Variants in ENOX1 observed in about 807,000 individuals in gnomAD.
The protein encoded by ENOX1 is ecto-NOX disulfide-thiol exchanger 1, also known as candidate growth-related and time keeping constitutive hydroquinone (NADH) oxidase.
In ENOX1, 42 loss-of-function variants were observed where a neutral mutation model predicts 82.5. The ratio of observed to expected loss-of-function variants is 0.51; its 90% CI spans 0.40 to 0.66. The LOEUF (loss-of-function observed/expected upper bound fraction) is 0.66, where lower values mean the gene tolerates loss of function less well. Among genes scored for constraint, ENOX1 ranks in the 30% least tolerant of loss-of-function variants. ENOX1 has a pLI of 0.00. For synonymous variants in ENOX1, 271 were observed against 282.2 expected, an observed-to-expected ratio of 0.96 and a Z score of 0.40; for missense variants, 608 against 811.6, an observed-to-expected ratio of 0.75 and a Z score of 3.05.
chr13:43,427,696 A>C lies in ENOX1; in HGVS notation c.-74-14708T>G, dbSNP rs966840672. Among the ~76,000 whole-genome samples the C allele has an allele frequency of 2.0e-5, 3 of 152,216 alleles. No homozygotes were observed. The South Asian group carries it at 6.2e-4, about 32-fold the overall frequency. On this transcript the variant is annotated intron_variant, in intron 3 of 16. Transcript: ENST00000690772. ...ACAAGACATAGACCCTGTCTTCAAA[A>C]AGTTTGCAATAATACAGTCAGGTAA...
rs143359531 is a variant in ENOX1, at chr13:43,367,905, G to T, written c.209-6453C>A. On this transcript the variant is annotated intron_variant, in intron 5 of 16. Coordinates refer to ENST00000690772, the MANE Select transcript of ENOX1 (RefSeq NM_001347969.2). ...CCTAAATACAAAGATATTTCTAAATGTTCTCTTAGGAGAAATGTTCAAAAC... is the reference window on the plus strand; with the variant it reads ...CCTAAATACAAAGATATTTCTAAATTTTCTCTTAGGAGAAATGTTCAAAAC... Among the ~76,000 whole-genome samples the T allele has an allele frequency of 1.6e-3, 239 of 152,290 alleles. 2 individuals are homozygous for T. Among genetic ancestry groups the T allele is most frequent in the African/African-American group, 5.5e-3 (229 of 41,556 alleles).
intron 1 of ENOX1, among the ~76,000 whole-genome samples, chr13:43,755,577 G>A (rs1027299218): frequency 1.3e-5 from 2 of 151,776 alleles, no homozygotes; most frequent in African/African-American, 4.8e-5. Context: ...ACATGTTGAC[G>A]GTATAAAATT....
chr13:43,265,891 T>C (rs2044343950), intron 13 of ENOX1, among the ~76,000 whole-genome samples: 1 of 152,226 alleles, frequency 6.6e-6, no homozygotes, highest in Non-Finnish European at 1.5e-5. Flanking sequence ...CATGCTACTG[T>C]GCTACCAGAC....
At chr13:43,727,323 C>G (rs117849577) in intron 1 of ENOX1, among the ~76,000 whole-genome samples, 2,442 of 152,324 alleles carry the variant, frequency 0.016, 20 homozygotes, top group Middle Eastern at 0.031. Context: ...CCTCCACCCC[C>G]AGCTGAAGTT....
intron 15 of ENOX1, among the ~76,000 whole-genome samples, chr13:43,225,221 T>C (rs1435006401): frequency 6.6e-6 from 1 of 152,138 alleles, no homozygotes; most frequent in Non-Finnish European, 1.5e-5. Flanking sequence ...TGGGTACTCA[T>C]GGACATAAGA....
At chr13:43,752,731 T>A (rs1041258224) in intron 1 of ENOX1, among the ~76,000 whole-genome samples, 4 of 152,192 alleles carry the variant, frequency 2.6e-5, no homozygotes, top group Admixed American at 2.0e-4. Flanking sequence ...GATCTATTTT[T>A]CTGTTGGGAC....
At chr13:43,290,328 T>C (rs527489943) in intron 12 of ENOX1, among the ~76,000 whole-genome samples, 2 of 152,154 alleles carry the variant, frequency 1.3e-5, no homozygotes, top group East Asian at 3.9e-4. Context: ...GCAACCTAGG[T>C]GCCCATAAAT....
intron 3 of ENOX1, among the ~76,000 whole-genome samples, chr13:43,470,305 TAC>T (rs2057957866): frequency 2.2e-5 from 1 of 46,154 alleles, no homozygotes; most frequent in Non-Finnish European, 4.8e-5. Context: ...CACATATATA[TAC>T]ATATATATAC....
In ENOX1 at chr13:43,384,902, T is replaced by C. The variant is rs61315287; in HGVS notation, c.209-23450A>G. Among the ~76,000 whole-genome samples the C allele has an allele frequency of 2.6e-3, 389 of 152,348 alleles. 1 individual carries two copies. The highest frequency in any genetic ancestry group is 8.9e-3 in the African/African-American group (372 of 41,580). On this transcript the variant is annotated intron_variant, in intron 5 of 16. Coordinates refer to ENST00000690772, the MANE Select transcript of ENOX1 (RefSeq NM_001347969.2). ...CTTGAAAGGATGATCAGTTGTTTCC[T>C]GGTTTTTTCCTTGGCCCCTACTAGG...
intron 1 of ENOX1, among the ~76,000 whole-genome samples, 155 bp from the exon 2 acceptor site, chr13:43,667,699 T>C (rs2085053691): frequency 1.3e-5 from 2 of 152,356 alleles, no homozygotes; most frequent in South Asian, 2.1e-4. Context: ...TTGAATGCCC[T>C]TGGAGAAGGT....
chr13:43,484,302 G>T, intron 2 of ENOX1, 150 bp from the exon 3 acceptor site: 1 of 311,380 alleles, frequency 3.2e-6, no homozygotes, highest in Non-Finnish European at 4.7e-6. Flanking sequence ...TTCATCAATG[G>T]CAGAGTGGGA....
chr13:43,338,680 T>TC, intron 9 of ENOX1, among the ~76,000 whole-genome samples: 1 of 126,528 alleles, frequency 7.9e-6, no homozygotes, highest in East Asian at 2.2e-4. Flanking sequence ...GGTTGGGTTT[T>TC]TTTTTTTTTT....
intron 3 of ENOX1, among the ~76,000 whole-genome samples, chr13:43,456,668 C>A (rs1050093259): frequency 6.6e-6 from 1 of 152,152 alleles, no homozygotes; most frequent in African/African-American, 2.4e-5. Flanking sequence ...ATCCTCTCTC[C>A]TGGGCCCAAT....
At position 43,261,760 on chromosome 13, in the gene ENOX1, A is replaced by ATTCTC. The variant is rs1464687624; in HGVS notation, c.1611+3633_1611+3637dup. On this transcript the variant is annotated intron_variant, in intron 14 of 16. Transcript: ENST00000690772. ...AAGAACAAAAAACCAAACACTGCAT[A>ATTCTC]TTCTCACTCATAGATGGGAATTGAA... Among the ~76,000 whole-genome samples, 10 of 143,600 alleles carry ATTCTC rather than the reference A, an allele frequency of 7.0e-5. No individual in the cohort carries two copies. In the East Asian group the frequency reaches 2.1e-3, roughly 30 times the overall value. 94.2% of individuals were successfully genotyped at this position (143,600 alleles called of 152,430 possible).
At chr13:43,392,745 T>C (rs2153582923) in intron 5 of ENOX1, among the ~76,000 whole-genome samples, 1 of 152,252 alleles carries the variant, frequency 6.6e-6, no homozygotes, top group East Asian at 1.9e-4. Flanking sequence ...GAGAATAAAA[T>C]TTTAGTTTCA....
At chr13:43,487,527 C>T (rs535695575) in intron 2 of ENOX1, among the ~76,000 whole-genome samples, 13 of 152,298 alleles carry the variant, frequency 8.5e-5, no homozygotes, top group African/African-American at 1.9e-4. Flanking sequence ...AGAAAATCAA[C>T]GTACTGCTAC....
At chr13:43,582,493 G>T (rs990165119) in intron 2 of ENOX1, among the ~76,000 whole-genome samples, 1 of 152,004 alleles carries the variant, frequency 6.6e-6, no homozygotes, top group Non-Finnish European at 1.5e-5. Flanking sequence ...AAATCAAGGG[G>T]GATAATGAAG....
intron 2 of ENOX1, among the ~76,000 whole-genome samples, chr13:43,596,613 C>T (rs12585807): frequency 0.32 from 48,179 of 152,112 alleles, 9,362 homozygotes; most frequent in Non-Finnish European, 0.44. Context: ...AAGCAGCATC[C>T]TTTCTGTGTG....
intron 14 of ENOX1, among the ~76,000 whole-genome samples, chr13:43,262,796 G>T (rs1285608303): frequency 1.3e-5 from 2 of 152,180 alleles, no homozygotes; most frequent in East Asian, 1.9e-4. Flanking sequence ...TACTATTGAT[G>T]CATGAAGAGA....
Sources: allele counts gnomAD v4.1 joint callset (sites outside exome capture counted in the v4.1 genomes callset), GRCh38; gene constraint gnomAD v4.1.1; transcripts MANE v1.5; gene names NCBI Gene and HGNC (gene_info 2026-07-23, HGNC 2026-07-21).